Variants in HCRTR2 observed in about 807,000 individuals in gnomAD.
HCRTR2 encodes the protein hypocretin receptor 2.
HCRTR2 carries 22 observed loss-of-function variants against 49.0 expected under a neutral mutation model. The ratio of observed to expected loss-of-function variants is 0.45; its 90% CI spans 0.32 to 0.64. The LOEUF (loss-of-function observed/expected upper bound fraction) is 0.64. HCRTR2 is among the 30% of genes least tolerant of loss of function. The pLI is 0.04. For synonymous variants in HCRTR2, 236 were observed against 205.3 expected (o/e 1.15, Z -1.28); for missense variants, 491 against 559.4 (o/e 0.88, Z 1.23).
At chr6:55,127,675 C>T (rs1014908267) in intron 1 of HCRTR2, among the ~76,000 whole-genome samples, 6 of 152,134 alleles carry the variant, frequency 3.9e-5, no homozygotes, top group African/African-American at 1.4e-4. Flanking sequence ...GCATCTTCCT[C>T]ACACTTAGGG....
At chr6:55,213,986 A>G (rs1054526855) in intron 1 of HCRTR2, among the ~76,000 whole-genome samples, 1 of 152,068 alleles carries the variant, frequency 6.6e-6, no homozygotes, top group Non-Finnish European at 1.5e-5. Context: ...ATCCAAAAAA[A>G]AAAAAAATGA....
chr6:55,164,835 C>A (rs1764854368), intron 1 of HCRTR2, among the ~76,000 whole-genome samples: 2 of 151,676 alleles, frequency 1.3e-5, no homozygotes, highest in African/African-American at 2.4e-5. Context: ...CACTGGAGAC[C>A]AATCCTGGAG....
intron 1 of HCRTR2, among the ~76,000 whole-genome samples, chr6:55,134,427 G>A (rs4304162): frequency 0.93 from 141,018 of 151,872 alleles, 65,809 homozygotes; most frequent in Non-Finnish European, 0.97. Flanking sequence ...ATTAATTAAC[G>A]CATGCATCAT....
At chr6:55,245,622 A>G (rs1161693985) in intron 1 of HCRTR2, among the ~76,000 whole-genome samples, 6 of 151,034 alleles carry the variant, frequency 4.0e-5, no homozygotes, top group Non-Finnish European at 5.9e-5. Context: ...AGTAGATTGC[A>G]CCTGGAGAAA....
intron 1 of HCRTR2, among the ~76,000 whole-genome samples, chr6:55,221,551 C>T (rs530483836): frequency 3.2e-4 from 49 of 152,250 alleles, no homozygotes; most frequent in African/African-American, 8.7e-4. Context: ...TGGTGGCTCA[C>T]GCCTGTAATC....
chr6:55,260,872 CT>C (rs2127320766), intron 3 of HCRTR2, among the ~76,000 whole-genome samples: 1 of 152,282 alleles, frequency 6.6e-6, no homozygotes, highest in African/African-American at 2.4e-5. Flanking sequence ...GTAAACTGCT[CT>C]TATCACAAAT....
chr6:55,156,036 T>C lies in HCRTR2; in HGVS notation c.-377-18175T>C, dbSNP rs71560897. ...GGGAAAAACCCCAGCACCTTTAATA[T>C]GGTGTTATGTGGATGAAATAAGTTA... On this transcript the variant is annotated intron_variant, in intron 1 of 7. Transcript: ENST00000615358. 7.5e-3 allele frequency among the ~76,000 whole-genome samples: 1,136 copies of C among 152,094 alleles called. 9 individuals are homozygous for C. The highest frequency in any genetic ancestry group is 0.031 in the Middle Eastern group (9 of 290).
In HCRTR2 at chr6:55,222,002, G is replaced by GA. The variant is rs541023172; in HGVS notation, c.224-26631dup. Reference sequence around the variant, plus strand: ...CTGATGCACAGAAAATAAATAAAAAGAAAAAACAGAGTGTAAAAGCAAACC... The same window carrying GA: ...CTGATGCACAGAAAATAAATAAAAAGAAAAAAACAGAGTGTAAAAGCAAACC... On this transcript the variant is annotated intron_variant, in intron 1 of 6. Transcript: ENST00000370862. Among the ~76,000 whole-genome samples, 148 of 151,988 alleles carry GA rather than the reference G, an allele frequency of 9.7e-4. 5 individuals carry two copies. In the South Asian group the frequency reaches 0.025, roughly 25 times the overall value.
intron 1 of HCRTR2, among the ~76,000 whole-genome samples, chr6:55,176,447 A>T (rs532549844): frequency 6.6e-6 from 1 of 152,258 alleles, no homozygotes; most frequent in Non-Finnish European, 1.5e-5. Context: ...CATCCTTAGG[A>T]TTACATCTCT....
chr6:55,245,275 T>C (rs1766410118), intron 1 of HCRTR2, among the ~76,000 whole-genome samples: 1 of 150,838 alleles, frequency 6.6e-6, no homozygotes, highest in East Asian at 1.9e-4. Flanking sequence ...GTTGTCCCAA[T>C]AGCTTTCTTT....
intron 4 of HCRTR2, among the ~76,000 whole-genome samples, chr6:55,276,389 A>C (rs1350717061): frequency 6.6e-6 from 1 of 152,232 alleles, no homozygotes; most frequent in South Asian, 2.1e-4. Flanking sequence ...GTAAAAAGCA[A>C]CAAAATCTAT....
intron 1 of HCRTR2, among the ~76,000 whole-genome samples, chr6:55,108,618 G>A (rs1037583656): frequency 5.3e-5 from 8 of 151,870 alleles, no homozygotes; most frequent in African/African-American, 1.7e-4. Flanking sequence ...GAATATAAAA[G>A]TAGAAGCAGC....
chr6:55,148,502 C>G (rs1287292275), intron 1 of HCRTR2, among the ~76,000 whole-genome samples: 1 of 152,110 alleles, frequency 6.6e-6, no homozygotes, highest in African/African-American at 2.4e-5. Context: ...TGCTACCCAC[C>G]TACCATGTGC....
chr6:55,170,545 T>C (rs967731989), upstream of HCRTR2, among the ~76,000 whole-genome samples: 2 of 151,960 alleles, frequency 1.3e-5, no homozygotes, highest in South Asian at 2.1e-4. Flanking sequence ...TAGCAAATAA[T>C]ATTTGCAGTA....
chr6:55,219,714 T>C (rs1486433642), intron 1 of HCRTR2, among the ~76,000 whole-genome samples: 1 of 151,548 alleles, frequency 6.6e-6, no homozygotes, highest in Non-Finnish European at 1.5e-5. Flanking sequence ...TTAGAAAAAA[T>C]AAATTAAATA....
chr6:55,159,267 A>AAAAAAC (rs58118959), intron 1 of HCRTR2, among the ~76,000 whole-genome samples: 42,915 of 149,332 alleles, frequency 0.29, 6,575 homozygotes, highest in Middle Eastern at 0.43. Context: ...ATCAACATCA[A>AAAAAAC]AAAAACAAAA....
At chr6:55,283,635 T>C (rs1767235853), downstream of HCRTR2, among the ~76,000 whole-genome samples, 2 of 152,302 alleles carry the variant, frequency 1.3e-5, no homozygotes, top group South Asian at 4.1e-4. Context: ...AAAATTCTTC[T>C]GATTCAAATA....
chr6:55,280,123 T>A (rs1767160164), intron 5 of HCRTR2, among the ~76,000 whole-genome samples, 200 bp from the exon 6 acceptor site: 1 of 152,196 alleles, frequency 6.6e-6, no homozygotes, highest in African/African-American at 2.4e-5. Context: ...CTGATTTGGC[T>A]TTTGATTTAT....
chr6:55,247,110 T>A (rs1766459955), intron 1 of HCRTR2, among the ~76,000 whole-genome samples: 1 of 152,044 alleles, frequency 6.6e-6, no homozygotes, highest in African/African-American at 2.4e-5. Context: ...TGTGATAATG[T>A]GTATGTCAAC....
Sources: allele counts gnomAD v4.1 joint callset (sites outside exome capture counted in the v4.1 genomes callset), GRCh38; gene constraint gnomAD v4.1.1; transcripts MANE v1.5; gene names NCBI Gene and HGNC (gene_info 2026-07-23, HGNC 2026-07-21).